The following CCNYL1 variants were observed in gnomAD, a reference collection of about 807,000 sequenced individuals.
The protein encoded by CCNYL1 is cyclin-Y-like protein 1.
Under a neutral mutation model 44.2 loss-of-function variants are expected in CCNYL1, and 16 were observed. That is an observed-to-expected ratio of 0.36 (90% CI 0.25 to 0.55). The LOEUF (loss-of-function observed/expected upper bound fraction) is 0.55, where lower values mean the gene tolerates loss of function less well. Among genes scored for constraint, CCNYL1 ranks in the 20% least tolerant of loss-of-function variants. The pLI is 0.85. For synonymous variants in CCNYL1, 159 were observed against 163.2 expected (o/e 0.97, Z 0.20); for missense variants, 348 against 451.8 (o/e 0.77, Z 2.08).
chr2:207,716,599 A>T (rs549904965), intron 1 of CCNYL1, among the ~76,000 whole-genome samples: 1 of 152,198 alleles, frequency 6.6e-6, no homozygotes, highest in East Asian at 1.9e-4. Context: ...CCTTCTAGTA[A>T]CTGCTTAATG....
chr2:207,746,176 A>G (rs1407224943), intron 7 of CCNYL1, among the ~76,000 whole-genome samples: 1 of 152,184 alleles, frequency 6.6e-6, no homozygotes, highest in Non-Finnish European at 1.5e-5. Context: ...TTGTGGAGGC[A>G]CTGAATACGG....
At chr2:207,733,913 T>C (rs2091746750) in intron 3 of CCNYL1, 34 bp from the exon 4 acceptor site, 1 of 1,348,926 alleles carries the variant, frequency 7.4e-7, no homozygotes, top group Non-Finnish European at 1.1e-6. Flanking sequence ...TTTAACTTAC[T>C]GTGACATTTT....
intron 3 of CCNYL1, among the ~76,000 whole-genome samples, chr2:207,727,277 C>G (rs539163651): frequency 6.6e-6 from 1 of 152,206 alleles, no homozygotes; most frequent in South Asian, 2.1e-4. Flanking sequence ...TTATTTTCTT[C>G]CCTCTATTTC....
chr2:207,744,567 G>A lies in CCNYL1; in HGVS notation c.639+2225G>A, dbSNP rs1330506610. Among the ~76,000 whole-genome samples, 11 of 148,794 alleles carry A rather than the reference G, an allele frequency of 7.4e-5. No individual in the cohort carries two copies. In the South Asian group the frequency reaches 1.7e-3, roughly 23 times the overall value. ...TTTTTTTAAGTAGAGACCGGGCTTC[G>A]CCATGTTGGTCAGGCTAGTCTTGAA... On this transcript the variant is annotated intron_variant, in intron 7 of 9. Coordinates refer to ENST00000295414, the MANE Select transcript of CCNYL1 (RefSeq NM_001330218.2).
At chr2:207,741,865 C>G (rs2091813505) in intron 6 of CCNYL1, among the ~76,000 whole-genome samples, 2 of 145,880 alleles carry the variant, frequency 1.4e-5, no homozygotes, top group South Asian at 4.4e-4. Flanking sequence ...AAAAAAAGTA[C>G]TTAGGCCGGG....
At chr2:207,725,763 G>T (rs1037643143) in intron 2 of CCNYL1, among the ~76,000 whole-genome samples, 2 of 152,116 alleles carry the variant, frequency 1.3e-5, no homozygotes, top group African/African-American at 4.8e-5. Flanking sequence ...TCCTTGTCCT[G>T]CTTGTTTTAG....
At chr2:207,747,022 C>CA (rs1553536107) in intron 7 of CCNYL1, 25 bp from the exon 8 acceptor site, 1 of 1,531,096 alleles carries the variant, frequency 6.5e-7, no homozygotes, top group Non-Finnish European at 8.9e-7. Context: ...GAACTAAAAT[C>CA]AAAGACCAGT....
chr2:207,752,906 G>A (rs930360161), intron 9 of CCNYL1, among the ~76,000 whole-genome samples: 3 of 122,408 alleles, frequency 2.5e-5, no homozygotes, highest in Non-Finnish European at 6.1e-5. Context: ...GGGTATGGTG[G>A]CACATGCCTG....
chr2:207,712,277 C>A (rs2091555240), intron 1 of CCNYL1, among the ~76,000 whole-genome samples, 161 bp downstream of exon 1: 1 of 152,172 alleles, frequency 6.6e-6, no homozygotes, highest in Non-Finnish European at 1.5e-5. Flanking sequence ...CTTATTCTTG[C>A]CCTGCTGCGT....
intron 7 of CCNYL1, among the ~76,000 whole-genome samples, chr2:207,745,919 A>G (rs2091851862): frequency 6.6e-6 from 1 of 152,160 alleles, no homozygotes; most frequent in Non-Finnish European, 1.5e-5. Context: ...CCAGCCTAAA[A>G]AGATTTCTTT....
intron 1 of CCNYL1, among the ~76,000 whole-genome samples, chr2:207,723,874 C>CAAA (rs58432475): frequency 3.4e-4 from 18 of 53,208 alleles, no homozygotes; most frequent in East Asian, 2.3e-3. Context: ...GACTCCATCT[C>CAAA]AAAAAAAAAA....
chr2:207,742,856 C>T (rs972345848), intron 7 of CCNYL1, among the ~76,000 whole-genome samples: 5 of 152,282 alleles, frequency 3.3e-5, no homozygotes, highest in Middle Eastern at 3.4e-3. Flanking sequence ...TGATGTTGCC[C>T]AGCAATGTGG....
intron 3 of CCNYL1, among the ~76,000 whole-genome samples, chr2:207,727,244 A>G (rs1355390761): frequency 6.6e-6 from 1 of 152,226 alleles, no homozygotes; most frequent in African/African-American, 2.4e-5. Context: ...GTGAAAACTT[A>G]GCTTCCTCAC....
chr2:207,745,790 A>G (rs1401455191), intron 7 of CCNYL1, among the ~76,000 whole-genome samples: 1 of 152,168 alleles, frequency 6.6e-6, no homozygotes, highest in Non-Finnish European at 1.5e-5. Flanking sequence ...CTCTACTAAA[A>G]ATACAAAAAT....
intron 5 of CCNYL1, among the ~76,000 whole-genome samples, chr2:207,737,774 G>C (rs1293672089): frequency 6.6e-6 from 1 of 152,030 alleles, no homozygotes; most frequent in Non-Finnish European, 1.5e-5. Flanking sequence ...TCTTTGTTGT[G>C]GGGACTGTCC....
chr2:207,741,523 G>A (rs1340842658), intron 6 of CCNYL1, among the ~76,000 whole-genome samples: 1 of 152,052 alleles, frequency 6.6e-6, no homozygotes, highest in Non-Finnish European at 1.5e-5. Flanking sequence ...GGGGTACATG[G>A]GCTCAAACGT....
intron 1 of CCNYL1, 76 bp downstream of exon 1, chr2:207,712,192 AT>A: frequency 7.8e-7 from 1 of 1,277,422 alleles, no homozygotes; most frequent in South Asian, 1.4e-5. Flanking sequence ...CCCGGGAGGC[AT>A]CCGCCGCCTC....
chr2:207,721,024 G>A (rs2091636566), intron 1 of CCNYL1, among the ~76,000 whole-genome samples: 1 of 152,112 alleles, frequency 6.6e-6, no homozygotes, highest in South Asian at 2.1e-4. Flanking sequence ...AGACCCATCA[G>A]GTAAGACTTA....
intron 4 of CCNYL1, among the ~76,000 whole-genome samples, chr2:207,737,035 C>G (rs1326888632): frequency 6.6e-6 from 1 of 152,034 alleles, no homozygotes; most frequent in Non-Finnish European, 1.5e-5. Context: ...CTTGCCTCAG[C>G]CTCCTGAGTA....
Sources: gnomAD v4.1 joint callset for allele counts (sites outside exome capture counted in the v4.1 genomes callset) on GRCh38, gnomAD v4.1.1 for gene constraint, MANE v1.5 for transcripts, NCBI Gene and HGNC (gene_info 2026-07-23, HGNC 2026-07-21) for gene names.